DMD: variants seen among roughly 807,000 people sequenced by gnomAD.
The protein encoded by DMD is dystrophin.
A neutral mutation model predicts 330.1 loss-of-function variants in DMD; 63 were observed. That is an observed-to-expected ratio of 0.19 (90% CI 0.16 to 0.24). The LOEUF is 0.24. DMD is among the 10% of genes least tolerant of loss of function. The probability of loss-of-function intolerance (pLI) is 1.00; values close to 1 mark genes in which losing one functional copy is unlikely to be tolerated. For synonymous variants in DMD, 1,223 were observed against 959.8 expected (o/e 1.27, Z -5.07); for missense variants, 3,344 against 2,684.1 (o/e 1.25, Z -5.43).
In DMD at chrX:33,339,159, A is replaced by G. The variant is rs1215140402; in HGVS notation, c.7+100T>C. On this transcript the variant is annotated intron_variant, in intron 1 of 17. Transcript: ENST00000288447. ...TTTGCAGAGTTTGAAGAGCTCGGCA[A>G]CAAACCCCAGCTACCAACAGCTGCT... is the stretch of plus-strand genomic sequence containing the variant. 3 of 920,200 alleles carry G rather than the reference A, an allele frequency of 3.3e-6. No homozygotes were observed. The African/African-American group carries it at 6.1e-5, about 19-fold the overall frequency. The allele number at this position is 920,200 out of a possible 1,213,427, so 75.8% of individuals were successfully genotyped here.
chrX:31,494,784 G>T (rs779449260), intron 57 of DMD, among the ~76,000 whole-genome samples: 4 of 111,944 alleles, frequency 3.6e-5, no homozygotes, highest in Non-Finnish European at 7.5e-5. Context: ...TACAGTTGAA[G>T]AACAAAATAG....
At chrX:32,839,083 T>C (rs2079919132) in intron 4 of DMD, among the ~76,000 whole-genome samples, 1 of 111,810 alleles carries the variant, frequency 8.9e-6, no homozygotes, top group Non-Finnish European at 1.9e-5. Context: ...GTTTTTTTAG[T>C]CATTGTCATC....
chrX:31,508,358 G>C, intron 55 of DMD: 1 of 848,607 alleles, frequency 1.2e-6, no homozygotes, highest in Non-Finnish European at 1.7e-6. Flanking sequence ...TTGACAGAAT[G>C]AATTTTGGAG....
chrX:33,271,689 C>T (rs1385829721), intron 1 of DMD, among the ~76,000 whole-genome samples: 2 of 104,005 alleles, frequency 1.9e-5, no homozygotes, highest in African/African-American at 3.5e-5. Flanking sequence ...TTGCTTGAAC[C>T]CCAGAGGCGG....
At chrX:31,696,030 G>A (rs749873886) in intron 52 of DMD, among the ~76,000 whole-genome samples, 1 of 111,135 alleles carries the variant, frequency 9.0e-6, no homozygotes, top group East Asian at 2.8e-4. Context: ...ACATCACAAT[G>A]TACCCCATAA....
chrX:32,258,976 C>T (rs2097310731), intron 43 of DMD, among the ~76,000 whole-genome samples: 1 of 111,037 alleles, frequency 9.0e-6, no homozygotes, highest in Non-Finnish European at 1.9e-5. Flanking sequence ...CTCTATACTA[C>T]AAATTGTGGA....
intron 16 of DMD, among the ~76,000 whole-genome samples, chrX:32,548,283 G>A (rs184544376): frequency 1.9e-4 from 21 of 111,776 alleles, no homozygotes; most frequent in African/African-American, 5.8e-4. Context: ...TGAATGCCAC[G>A]TGAAAAATAC....
intron 9 of DMD, among the ~76,000 whole-genome samples, chrX:32,676,184 A>C (rs1569442544): frequency 9.0e-6 from 1 of 111,630 alleles, no homozygotes; most frequent in Non-Finnish European, 1.9e-5. Context: ...ACATTTTATA[A>C]GGTGTGAAGA....
intron 2 of DMD, among the ~76,000 whole-genome samples, chrX:32,932,017 A>G (rs1283633031): frequency 8.9e-6 from 1 of 112,056 alleles, no homozygotes; most frequent in Non-Finnish European, 1.9e-5. Flanking sequence ...CTATTCAAAT[A>G]TACACACACG....
At position 32,310,213 on chromosome X, in the gene DMD, C is replaced by T. The variant is rs2097556758; in HGVS notation, c.5986G>A (p.Val1996Met). 3 of 1,207,623 alleles carry T rather than the reference C, an allele frequency of 2.5e-6. No individual in the cohort carries two copies. The highest frequency in any genetic ancestry group is 3.4e-6 in the Non-Finnish European group (3 of 893,453). ...ATTTCAGTCAAATAAGTAGAAGGCA[C>T]ATAAGAAATTTCCAAAGGCATGTCT... ...TEDMPLEISY[V>M]PSTYLTEITH... Residue 1996 changes from valine (V) to methionine (M), a missense_variant, in exon 42 of 79, where the codon GTG (valine) becomes ATG (methionine). Val to Met is a conservative substitution (Grantham distance 21). Coordinates refer to ENST00000357033, the MANE Select transcript of DMD (RefSeq NM_004006.3).
At chrX:31,132,485 CTTGT>C (rs1431453298) in intron 77 of DMD, among the ~76,000 whole-genome samples, 2 of 111,405 alleles carry the variant, frequency 1.8e-5, no homozygotes, top group Non-Finnish European at 3.8e-5. Flanking sequence ...CTACTAACCT[CTTGT>C]TTAGATGTGG....
chrX:31,564,528 T>C (rs1268539425), intron 55 of DMD, among the ~76,000 whole-genome samples: 2 of 111,971 alleles, frequency 1.8e-5, no homozygotes, highest in African/African-American at 3.2e-5. Flanking sequence ...CGACAGTGCA[T>C]AGAGGTAGGA....
intron 51 of DMD, among the ~76,000 whole-genome samples, chrX:31,772,747 G>A (rs1453686289): frequency 8.9e-6 from 1 of 111,784 alleles, no homozygotes; most frequent in Non-Finnish European, 1.9e-5. Flanking sequence ...ATGAGCCTCA[G>A]TTACTTTTTC....
At chrX:31,514,414 T>G (rs1205913827) in intron 55 of DMD, among the ~76,000 whole-genome samples, 3 of 111,449 alleles carry the variant, frequency 2.7e-5, no homozygotes, top group Non-Finnish European at 5.7e-5. Flanking sequence ...CACACTTCCT[T>G]CTTATCTGAG....
At chrX:31,749,761 C>T (rs1387407720) in intron 51 of DMD, among the ~76,000 whole-genome samples, 2 of 106,776 alleles carry the variant, frequency 1.9e-5, no homozygotes. Flanking sequence ...GTCCCACCAA[C>T]AGTGTAAGAG....
intron 54 of DMD, among the ~76,000 whole-genome samples, chrX:31,636,841 C>T (rs993277749): frequency 2.7e-5 from 3 of 111,157 alleles, no homozygotes; most frequent in Admixed American, 1.9e-4. Flanking sequence ...ACTTTGAACT[C>T]GAGGTAAGCT....
intron 2 of DMD, among the ~76,000 whole-genome samples, chrX:32,956,110 G>C (rs1414943275): frequency 9.1e-6 from 1 of 110,342 alleles, no homozygotes; most frequent in African/African-American, 3.3e-5. Context: ...GAATAGCATT[G>C]ACTCTAATAA....
At chrX:31,609,235 T>A (rs990166491) in intron 55 of DMD, among the ~76,000 whole-genome samples, 10 of 111,593 alleles carry the variant, frequency 9.0e-5, no homozygotes, top group African/African-American at 3.3e-4. Context: ...ATGCAATGTC[T>A]AGTCTAGGGA....
chrX:32,399,436 CT>C (rs890510368), intron 30 of DMD, among the ~76,000 whole-genome samples: 2 of 110,974 alleles, frequency 1.8e-5, no homozygotes, highest in African/African-American at 6.5e-5. Flanking sequence ...TCTGAATAGA[CT>C]TTTTTTTGAA....
Sources: allele counts gnomAD v4.1 joint callset (sites outside exome capture counted in the v4.1 genomes callset), GRCh38; gene constraint gnomAD v4.1.1; transcripts MANE v1.5; gene names NCBI Gene and HGNC (gene_info 2026-07-23, HGNC 2026-07-21).